DIAPH3: variants seen among roughly 807,000 people sequenced by gnomAD.
DIAPH3 encodes diaphanous related formin 3.
DIAPH3 carries 117 observed loss-of-function variants against 144.3 expected under a neutral mutation model. The ratio of observed to expected loss-of-function variants is 0.81; its 90% CI spans 0.70 to 0.95. DIAPH3 has a LOEUF of 0.95. DIAPH3 is among the 40% of genes least tolerant of loss of function. DIAPH3 has a pLI of 0.00. For missense variants in DIAPH3, 1,421 were observed against 1,412.7 expected (o/e 1.01, Z -0.09); for synonymous variants, 519 against 488.9 (o/e 1.06, Z -0.81).
In DIAPH3 at chr13:59,666,295, T is replaced by G. The variant is rs1314886368; in HGVS notation, c.*289A>C. 3.1e-6 allele frequency: 1 copy of G among 327,568 alleles called. No homozygotes were observed. Among genetic ancestry groups the G allele is most frequent in the Non-Finnish European group, 5.5e-6 (1 of 183,416 alleles). 20.3% of individuals were successfully genotyped at this position (327,568 alleles called of 1,614,324 possible). ...ACTGCTGAACACATGGCCACCTACCTGCTCTCTAAAGCAATATGTATAATT... is the reference window on the plus strand; with the variant it reads ...ACTGCTGAACACATGGCCACCTACCGGCTCTCTAAAGCAATATGTATAATT... On this transcript the variant is annotated 3_prime_UTR_variant, in exon 28 of 28. Coordinates refer to ENST00000400324, the MANE Select transcript of DIAPH3 (RefSeq NM_001042517.2).
chr13:59,841,430 A>G (rs1013251292), intron 22 of DIAPH3, among the ~76,000 whole-genome samples: 1 of 151,888 alleles, frequency 6.6e-6, no homozygotes, highest in Non-Finnish European at 1.5e-5. Flanking sequence ...GCCTCCAAAA[A>G]TTAAAAAAAA....
intron 24 of DIAPH3, among the ~76,000 whole-genome samples, chr13:59,814,487 C>T (rs2040661102): frequency 6.6e-6 from 1 of 152,138 alleles, no homozygotes; most frequent in South Asian, 2.1e-4. Context: ...AGACTAATAT[C>T]CGAGTTCAAA....
intron 2 of DIAPH3, among the ~76,000 whole-genome samples, chr13:60,130,544 A>C (rs1236263302): frequency 6.6e-6 from 1 of 152,194 alleles, no homozygotes; most frequent in Non-Finnish European, 1.5e-5. Flanking sequence ...CCTTGTGCAA[A>C]AAAGGCAAGA....
intron 27 of DIAPH3, among the ~76,000 whole-genome samples, chr13:59,673,238 G>A (rs912616616): frequency 1.3e-5 from 2 of 152,096 alleles, no homozygotes; most frequent in Admixed American, 6.6e-5. Context: ...TTCCATATCT[G>A]CTTTCCTCTT....
chr13:59,987,228 A>T (rs189970935), intron 12 of DIAPH3, among the ~76,000 whole-genome samples: 10,781 of 151,682 alleles, frequency 0.071, 419 homozygotes, highest in Admixed American at 0.11. Flanking sequence ...CGCAAGAACG[A>T]AAAACCAAAC....
chr13:59,786,432 T>C (rs2039032643), intron 25 of DIAPH3, among the ~76,000 whole-genome samples: 1 of 152,182 alleles, frequency 6.6e-6, no homozygotes, highest in South Asian at 2.1e-4. Context: ...AAATATACTA[T>C]AACAAATTGT....
At chr13:59,725,361 G>T (rs999716381) in intron 27 of DIAPH3, among the ~76,000 whole-genome samples, 8 of 152,160 alleles carry the variant, frequency 5.3e-5, no homozygotes, top group Non-Finnish European at 1.2e-4. Context: ...AATAATAGAA[G>T]TAAACAGAAG....
At chr13:60,106,462 G>A (rs923658230) in intron 3 of DIAPH3, among the ~76,000 whole-genome samples, 4 of 152,090 alleles carry the variant, frequency 2.6e-5, no homozygotes, top group African/African-American at 9.7e-5. Flanking sequence ...GATTTATGAT[G>A]TCAGGATAGA....
chr13:60,010,876 C>T (rs1400100349), intron 7 of DIAPH3, among the ~76,000 whole-genome samples: 5 of 151,968 alleles, frequency 3.3e-5, no homozygotes, highest in African/African-American at 4.8e-5. Context: ...GAGGCAGAGG[C>T]GGGCAGATTA....
chr13:59,945,130 T>C (rs1043389266), intron 17 of DIAPH3, among the ~76,000 whole-genome samples: 1 of 152,134 alleles, frequency 6.6e-6, no homozygotes, highest in Non-Finnish European at 1.5e-5. Context: ...TTGAAGATTT[T>C]CCAAAAAATC....
At position 59,899,243 on chromosome 13, in the gene DIAPH3, G is replaced by A. The variant is rs191094414; in HGVS notation, c.2367+12492C>T. On this transcript the variant is annotated intron_variant, in intron 20 of 27. Coordinates refer to ENST00000400324, the MANE Select transcript of DIAPH3 (RefSeq NM_001042517.2). Reference sequence around the variant, plus strand: ...TTGTGGGACCTCACCTTGTGATCCTGTGAGTCAAAACTGCTTAATAAACTC... The same window carrying A: ...TTGTGGGACCTCACCTTGTGATCCTATGAGTCAAAACTGCTTAATAAACTC... Among the ~76,000 whole-genome samples, 317 of 152,268 alleles carry A rather than the reference G, an allele frequency of 2.1e-3. 3 individuals are homozygous for A. Among genetic ancestry groups the A allele is most frequent in the African/African-American group, 7.4e-3 (306 of 41,536 alleles).
chr13:59,958,248 A>T (rs1399027934), intron 17 of DIAPH3, among the ~76,000 whole-genome samples: 1 of 152,132 alleles, frequency 6.6e-6, no homozygotes, highest in African/African-American at 2.4e-5. Flanking sequence ...ATATATATTC[A>T]TATCCATTAT....
chr13:59,730,227 C>T (rs1424065635), intron 27 of DIAPH3, among the ~76,000 whole-genome samples: 1 of 152,192 alleles, frequency 6.6e-6, no homozygotes, highest in Non-Finnish European at 1.5e-5. Flanking sequence ...TCAGATAGGA[C>T]ACATTCTTCA....
chr13:59,746,767 A>C (rs1377093752), intron 27 of DIAPH3, among the ~76,000 whole-genome samples: 1 of 152,182 alleles, frequency 6.6e-6, no homozygotes, highest in Non-Finnish European at 1.5e-5. Context: ...TTTTTACAGA[A>C]GCTGCCCACT....
rs2050358308 is a variant in DIAPH3, at chr13:59,971,241, C to T, written c.1651-81G>A. ...ATATGCACTTTACTCAAAAATAAGGCATTCATTTAAACCAAAAATAATTAC... is the reference window on the plus strand; with the variant it reads ...ATATGCACTTTACTCAAAAATAAGGTATTCATTTAAACCAAAAATAATTAC... On this transcript the variant is annotated intron_variant, in intron 15 of 27. Coordinates refer to ENST00000400324, the MANE Select transcript of DIAPH3 (RefSeq NM_001042517.2). The T allele has an allele frequency of 2.9e-6, 4 of 1,359,966 alleles. 1 individual carries two copies. Among genetic ancestry groups the T allele is most frequent in the Admixed American group, 5.0e-5 (2 of 40,276 alleles). The allele number at this position is 1,359,966 out of a possible 1,614,324, so 84.2% of individuals were successfully genotyped here.
intron 22 of DIAPH3, among the ~76,000 whole-genome samples, chr13:59,854,199 C>A (rs930128829): frequency 5.3e-5 from 8 of 152,030 alleles, no homozygotes; most frequent in African/African-American, 1.9e-4. Flanking sequence ...CTCTGAGTAG[C>A]CACTAGAAGC....
chr13:60,120,207 T>C (rs897067314), intron 2 of DIAPH3, among the ~76,000 whole-genome samples: 1 of 152,216 alleles, frequency 6.6e-6, no homozygotes, highest in Non-Finnish European at 1.5e-5. Context: ...AAGCAGTATG[T>C]CTGCCTGTTC....
At chr13:59,795,400 T>C (rs1456018725) in intron 25 of DIAPH3, among the ~76,000 whole-genome samples, 1 of 151,706 alleles carries the variant, frequency 6.6e-6, no homozygotes, top group Admixed American at 6.6e-5. Context: ...TCCCTTCTCT[T>C]GAATTTAAGG....
intron 5 of DIAPH3, among the ~76,000 whole-genome samples, chr13:60,041,581 C>T (rs1185728099): frequency 1.3e-5 from 2 of 152,106 alleles, no homozygotes; most frequent in African/African-American, 4.8e-5. Context: ...ATACTATATC[C>T]TAGCCACAGA....
Sources: allele counts gnomAD v4.1 joint callset (sites outside exome capture counted in the v4.1 genomes callset), GRCh38; gene constraint gnomAD v4.1.1; transcripts MANE v1.5; gene names NCBI Gene and HGNC (gene_info 2026-07-23, HGNC 2026-07-21).